Variants in MARK3 observed in about 807,000 individuals in gnomAD.
The protein encoded by MARK3 is microtubule affinity regulating kinase 3.
Under a neutral mutation model 90.1 loss-of-function variants are expected in MARK3, and 46 were observed. The ratio of observed to expected loss-of-function variants is 0.51; its 90% CI spans 0.40 to 0.65. MARK3 has a LOEUF of 0.65. MARK3 is among the 30% of genes least tolerant of loss of function. The pLI, the probability that MARK3 is intolerant of heterozygous loss-of-function variation, is 0.00. For synonymous variants in MARK3, 321 were observed against 332.6 expected (o/e 0.97, Z 0.38); for missense variants, 818 against 947.2 (o/e 0.86, Z 1.79).
At chr14:103,499,901 A>G (rs909815506) in intron 16 of MARK3, 8 of 497,078 alleles carry the variant, frequency 1.6e-5, no homozygotes, top group African/African-American at 6.0e-5. Flanking sequence ...GCGGTATGGC[A>G]TGCAATGTGT....
intron 13 of MARK3, among the ~76,000 whole-genome samples, chr14:103,478,948 T>C (rs1320413602): frequency 6.6e-6 from 1 of 152,228 alleles, no homozygotes; most frequent in African/African-American, 2.4e-5. Context: ...TTTCCATGTA[T>C]TGGTTAAAAT....
At chr14:103,459,373 A>T (rs889293364) in intron 6 of MARK3, among the ~76,000 whole-genome samples, 3 of 152,150 alleles carry the variant, frequency 2.0e-5, no homozygotes, top group African/African-American at 7.2e-5. Context: ...TCAATTAGCA[A>T]ATTGATTTAG....
intron 1 of MARK3, among the ~76,000 whole-genome samples, chr14:103,393,461 G>GA (rs371038092): frequency 3.7e-4 from 54 of 146,910 alleles, no homozygotes; most frequent in Non-Finnish European, 2.0e-4. Context: ...TCTTAAGAAA[G>GA]AAAAAAAAAA....
intron 12 of MARK3, among the ~76,000 whole-genome samples, chr14:103,471,191 T>C (rs1265747374): frequency 1.3e-5 from 2 of 152,182 alleles, no homozygotes; most frequent in Non-Finnish European, 2.9e-5. Context: ...AACTTGTCCC[T>C]CAATCCTAGA....
Position 103,491,953 on chromosome 14 carries a change from A to G in MARK3, c.1763A>G (p.His588Arg). The change falls in exon 15 of 18, where the codon CAT becomes CGT. Residue 588 changes from histidine (H) to arginine (R), a missense_variant. Physicochemically the swap from His to Arg is conservative, Grantham distance 29. Coordinates refer to ENST00000429436, the MANE Select transcript of MARK3 (RefSeq NM_001128918.3). ...NGPPASPSLS[H>R]EATPLSQTRS... ...CCTCCTGCCTCTCCCAGCCTGTCCC[A>G]TGAAGCCACACCATTGTCCCAGACT... The G allele has an allele frequency of 3.1e-6, 5 of 1,614,166 alleles. No homozygotes were observed. In the East Asian group the frequency reaches 6.7e-5, roughly 22 times the overall value.
At chr14:103,452,830 A>G (rs1464859678) in intron 5 of MARK3, among the ~76,000 whole-genome samples, 3 of 152,228 alleles carry the variant, frequency 2.0e-5, no homozygotes, top group African/African-American at 7.2e-5. Context: ...AGGTTCATCC[A>G]TGCTGTAGCA....
rs1400087437 is a variant in MARK3, at chr14:103,472,103, C to G, written c.1265-2890C>G. Among the ~76,000 whole-genome samples, 4 of 149,958 alleles carry G rather than the reference C, an allele frequency of 2.7e-5. No homozygotes were observed. The East Asian group carries it at 7.9e-4, about 30-fold the overall frequency. On this transcript the variant is annotated intron_variant, in intron 12 of 17. Transcript: ENST00000429436. ...GTGGGCACCTATAGTCCCAGCTACTCAGGAGGCTGAGGCAGGAGAATGGAT... is the reference window on the plus strand; with the variant it reads ...GTGGGCACCTATAGTCCCAGCTACTGAGGAGGCTGAGGCAGGAGAATGGAT...
chr14:103,422,974 G>T (rs1270434029), intron 2 of MARK3, among the ~76,000 whole-genome samples: 2 of 152,084 alleles, frequency 1.3e-5, no homozygotes, highest in Non-Finnish European at 2.9e-5. Context: ...TGATTGATAG[G>T]GTTAGTGTTA....
In MARK3 at chr14:103,453,903, C is replaced by T. The variant is rs751381607; in HGVS notation, c.412+1920C>T. Among the ~76,000 whole-genome samples, 10 of 152,328 alleles carry T rather than the reference C, an allele frequency of 6.6e-5. No homozygotes were observed. In the East Asian group the frequency reaches 9.6e-4, roughly 15 times the overall value. On this transcript the variant is annotated intron_variant, in intron 5 of 17. Coordinates refer to ENST00000429436, the MANE Select transcript of MARK3 (RefSeq NM_001128918.3). ...CACTGTGGGCGCTCTGGGCCTGGAC[C>T]GCCAGTGCTCTGACAGCAGATAGCC... is the stretch of plus-strand genomic sequence containing the variant.
intron 14 of MARK3, among the ~76,000 whole-genome samples, chr14:103,483,896 A>G (rs756841774): frequency 6.6e-6 from 1 of 152,252 alleles, no homozygotes; most frequent in Non-Finnish European, 1.5e-5. Context: ...CATAGCACTG[A>G]CACGTAGTGA....
At chr14:103,489,128 A>C (rs1300063263) in intron 14 of MARK3, among the ~76,000 whole-genome samples, 1 of 152,252 alleles carries the variant, frequency 6.6e-6, no homozygotes, top group Non-Finnish European at 1.5e-5. Flanking sequence ...TTTAACTCTC[A>C]GAGGGAAAAT....
At chr14:103,393,824 AC>A (rs1456637587) in intron 1 of MARK3, among the ~76,000 whole-genome samples, 6 of 150,424 alleles carry the variant, frequency 4.0e-5, no homozygotes, top group Non-Finnish European at 8.8e-5. Context: ...CAATCTCGTG[AC>A]CTTGGCTCAC....
intron 14 of MARK3, among the ~76,000 whole-genome samples, chr14:103,486,908 A>G (rs539704587): frequency 5.3e-5 from 8 of 151,210 alleles, no homozygotes; most frequent in South Asian, 4.2e-4. Flanking sequence ...CAAAAAGTTT[A>G]TTTATTTATT....
In MARK3 at chr14:103,475,039, G is replaced by A. The variant is rs1307177347; in HGVS notation, c.1311G>A (p.Gln437=). ...PSVVAYPKRS[Q]TSTADSDLKE... ...TTGTGGCGTATCCGAAAAGGAGTCA[G>A]ACCAGCACTGCAGATAGTGACCTCA... Residue 437 remains glutamine, a synonymous_variant, in exon 13 of 18, where the codon CAG becomes CAA. Transcript: ENST00000429436. The A allele has an allele frequency of 6.2e-7, 1 of 1,614,076 alleles. No individual in the cohort carries two copies. Among genetic ancestry groups the A allele is most frequent in the Non-Finnish European group, 8.5e-7 (1 of 1,180,036 alleles).
chr14:103,430,920 G>A lies in MARK3; in HGVS notation c.297+2480G>A, dbSNP rs573425750. Among the ~76,000 whole-genome samples the A allele has an allele frequency of 3.3e-5, 5 of 151,780 alleles. No individual in the cohort carries two copies. In the South Asian group the frequency reaches 1.0e-3, roughly 32 times the overall value. ...TTGCTCTGTTGTCCAGGCTGGACTC[G>A]AACTCCTGGGCTTAAGCAGTCCTTC... is the stretch of plus-strand genomic sequence containing the variant. On this transcript the variant is annotated intron_variant, in intron 3 of 17. Transcript: ENST00000429436.
intron 12 of MARK3, chr14:103,469,062 G>A (rs1252450655): frequency 6.6e-6 from 1 of 152,092 alleles, no homozygotes; most frequent in African/African-American, 2.4e-5. Flanking sequence ...TTACAGTTTT[G>A]TGTATCTGTG....
chr14:103,464,975 T>A lies in MARK3; in HGVS notation c.541-582T>A, dbSNP rs149018042. On this transcript the variant is annotated intron_variant, in intron 7 of 17. Coordinates refer to ENST00000429436, the MANE Select transcript of MARK3 (RefSeq NM_001128918.3). The stretch of plus-strand genomic sequence containing the variant: ...TGGCCCTGCCCCATATTATTCTTGT[T>A]TTTTGGTTTTGAGATGGAGTATTGC... Among the ~76,000 whole-genome samples the A allele has an allele frequency of 1.0e-3, 157 of 149,688 alleles. 5 individuals are homozygous for A. In the East Asian group the frequency reaches 0.027, roughly 25 times the overall value.
intron 1 of MARK3, among the ~76,000 whole-genome samples, chr14:103,390,522 A>T (rs1377219876): frequency 2.0e-5 from 3 of 152,124 alleles, no homozygotes; most frequent in Non-Finnish European, 4.4e-5. Flanking sequence ...CCCGGGCCAC[A>T]TTGGAAGAAT....
At chr14:103,480,126 G>GA (rs113319948) in intron 13 of MARK3, among the ~76,000 whole-genome samples, 13 of 149,796 alleles carry the variant, frequency 8.7e-5, no homozygotes, top group East Asian at 7.8e-4. Context: ...TCTCAAAAAA[G>GA]AAAAAAAAAA....
Sources: gnomAD v4.1 joint callset for allele counts (sites outside exome capture counted in the v4.1 genomes callset) on GRCh38, gnomAD v4.1.1 for gene constraint, MANE v1.5 for transcripts, NCBI Gene and HGNC (gene_info 2026-07-23, HGNC 2026-07-21) for gene names.